The following NFAM1 variants were observed in gnomAD, a reference collection of about 807,000 sequenced individuals.
The protein encoded by NFAM1 is NFAT activation molecule 1.
A neutral mutation model predicts 29.0 loss-of-function variants in NFAM1; 17 were observed. The ratio of observed to expected loss-of-function variants is 0.59; its 90% confidence interval spans 0.40 to 0.88. The LOEUF (loss-of-function observed/expected upper bound fraction) is 0.88. NFAM1 is among the 40% of genes least tolerant of loss of function. The probability of loss-of-function intolerance (pLI) is 0.00; values close to 1 mark genes in which losing one functional copy is unlikely to be tolerated. For synonymous variants in NFAM1, 175 were observed against 147.2 expected (o/e 1.19, Z -1.36); for missense variants, 324 against 344.6 (o/e 0.94, Z 0.47).
intron 4 of NFAM1, among the ~76,000 whole-genome samples, chr22:42,393,804 G>A (rs1377678435): frequency 6.6e-6 from 1 of 151,728 alleles, no homozygotes; most frequent in Admixed American, 6.6e-5. Flanking sequence ...CTAATTATAT[G>A]ATGGCTATGT....
intron 3 of NFAM1, among the ~76,000 whole-genome samples, chr22:42,406,746 A>C (rs571609737): frequency 6.6e-6 from 1 of 152,238 alleles, no homozygotes; most frequent in East Asian, 1.9e-4. Flanking sequence ...CAGGAATGCC[A>C]ATTTAATGAA....
intron 4 of NFAM1, among the ~76,000 whole-genome samples, chr22:42,396,054 C>T (rs561162343): frequency 9.9e-5 from 15 of 152,246 alleles, no homozygotes; most frequent in African/African-American, 2.6e-4. Flanking sequence ...ATACCATCAT[C>T]GTTGTGACTG....
chr22:42,409,288 C>A lies in NFAM1; in HGVS notation c.564+147G>T, dbSNP rs1444809718. 5.5e-5 allele frequency: 25 copies of A among 454,750 alleles called. No homozygotes were observed. The allele number at this position is 454,750 out of a possible 1,614,324, so 28.2% of individuals were successfully genotyped here. On this transcript the variant is annotated intron_variant, in intron 3 of 5. Transcript: ENST00000329021. This position sits in a 1 kb window ranked among gnomAD's most constrained non-coding sequence, Gnocchi z 4.9. Reference sequence around the variant, plus strand: ...AGTGGCACAGGAGGGATGCCCCCAGCCCTGGTGCAAGGGGCCACGAGGGCC... The same window carrying A: ...AGTGGCACAGGAGGGATGCCCCCAGACCTGGTGCAAGGGGCCACGAGGGCC...
In NFAM1 at chr22:42,409,753, AAGGACAGGG is replaced by A. The variant is rs1200860744; in HGVS notation, c.452-215_452-207del. Among the ~76,000 whole-genome samples, 1 of 152,074 alleles carries A rather than the reference AAGGACAGGG, an allele frequency of 6.6e-6. No individual in the cohort carries two copies. The highest frequency in any genetic ancestry group is 6.5e-5 in the Admixed American group (1 of 15,282). ...CATGCTCACTGCCTTGCTTCTCTGT[AAGGACAGGG>A]GCCATTTGCTCTTCCGGTGCCCCTG... On this transcript the variant is annotated intron_variant, in intron 2 of 5. Coordinates refer to ENST00000329021, the MANE Select transcript of NFAM1 (RefSeq NM_145912.8). The surrounding 1 kb of genome is among the most constrained non-coding windows in gnomAD (Gnocchi z 4.9).
At chr22:42,417,570 G>A (rs555835665) in intron 1 of NFAM1, among the ~76,000 whole-genome samples, 16 of 152,282 alleles carry the variant, frequency 1.1e-4, no homozygotes, top group Non-Finnish European at 8.8e-5. Flanking sequence ...AGCGGGGCCT[G>A]GAGGTGGCTG....
At chr22:42,428,537 G>C (rs1173993213) in intron 1 of NFAM1, among the ~76,000 whole-genome samples, 2 of 152,068 alleles carry the variant, frequency 1.3e-5, no homozygotes, top group Non-Finnish European at 2.9e-5. Flanking sequence ...TGCCTCCCAG[G>C]TTCAAGCAAT....
intron 4 of NFAM1, among the ~76,000 whole-genome samples, chr22:42,391,618 G>A (rs1335458072): frequency 6.6e-6 from 1 of 152,090 alleles, no homozygotes; most frequent in Non-Finnish European, 1.5e-5. Context: ...GCGATGAGGA[G>A]ACGTGGGTAA....
intron 3 of NFAM1, among the ~76,000 whole-genome samples, chr22:42,400,303 G>A (rs1188271287): frequency 6.6e-6 from 1 of 152,192 alleles, no homozygotes; most frequent in Non-Finnish European, 1.5e-5. Context: ...GCCAGAGGAG[G>A]TGGGCATGGA....
the NFAM1 span, among the ~76,000 whole-genome samples, chr22:42,437,709 C>T: frequency 6.6e-6 from 1 of 152,184 alleles, no homozygotes; most frequent in Non-Finnish European, 1.5e-5. Context: ...TCTCCGTGAC[C>T]CTTCTTCCCC....
chr22:42,416,324 G>A (rs1930258680), intron 1 of NFAM1, among the ~76,000 whole-genome samples: 2 of 152,164 alleles, frequency 1.3e-5, no homozygotes, highest in Non-Finnish European at 2.9e-5. Context: ...CCAAAAAGCA[G>A]AGGATCTTAA....
At chr22:42,411,019 C>CTTTTTTTTTTTTT (rs138369373) in intron 2 of NFAM1, among the ~76,000 whole-genome samples, 2 of 121,776 alleles carry the variant, frequency 1.6e-5, no homozygotes, top group African/African-American at 6.7e-5. Context: ...CTTTTCTTTT[C>CTTTTTTTTTTTTT]TTTTTTTTTT....
chr22:42,426,939 T>G (rs1930642865), intron 1 of NFAM1, among the ~76,000 whole-genome samples: 1 of 152,134 alleles, frequency 6.6e-6, no homozygotes, highest in Non-Finnish European at 1.5e-5. Flanking sequence ...GTACTGGATG[T>G]ACCTTCCTAT....
intron 1 of NFAM1, among the ~76,000 whole-genome samples, chr22:42,425,730 C>T (rs772261521): frequency 2.6e-5 from 4 of 152,210 alleles, no homozygotes; most frequent in Non-Finnish European, 5.9e-5. Context: ...CACGCCCAGC[C>T]TTCCTGAGCC....
intron 1 of NFAM1, among the ~76,000 whole-genome samples, chr22:42,428,898 G>A (rs969372795): frequency 6.6e-6 from 1 of 152,202 alleles, no homozygotes; most frequent in Non-Finnish European, 1.5e-5. Context: ...TCCTTGGGGA[G>A]GACTGAGGCC....
rs190081574 is a variant in NFAM1 at position 42,402,493 on chromosome 22, T to A, written c.565-4537A>T. ...AGGGCTCGGAGGAAGGGGCCCGGGA[T>A]GTGCCAGAATTTAGAGGTCACCAAG... On this transcript the variant is annotated intron_variant, in intron 3 of 5. Transcript: ENST00000329021. Among the ~76,000 whole-genome samples, 6 of 152,248 alleles carry A rather than the reference T, an allele frequency of 3.9e-5. No individual in the cohort carries two copies. In the East Asian group the frequency reaches 1.2e-3, roughly 29 times the overall value.
At chr22:42,390,532 G>A (rs1474045990) in intron 4 of NFAM1, among the ~76,000 whole-genome samples, 2 of 152,050 alleles carry the variant, frequency 1.3e-5, no homozygotes, top group Non-Finnish European at 2.9e-5. Context: ...GAATGAGGGA[G>A]CGGGCTGGGT....
intron 1 of NFAM1, among the ~76,000 whole-genome samples, chr22:42,426,730 C>A (rs1189434913): frequency 6.6e-6 from 1 of 152,152 alleles, no homozygotes; most frequent in African/African-American, 2.4e-5. Context: ...TCTCAGGGTG[C>A]AGAGGAATAG....
chr22:42,431,931 GC>G (rs1429810140), intron 1 of NFAM1, among the ~76,000 whole-genome samples: 1 of 152,114 alleles, frequency 6.6e-6, no homozygotes. Context: ...CCCGCCCCTG[GC>G]CCCAGCCACA....
At chr22:42,390,906 A>G (rs1389640366) in intron 4 of NFAM1, among the ~76,000 whole-genome samples, 1 of 151,648 alleles carries the variant, frequency 6.6e-6, no homozygotes, top group Non-Finnish European at 1.5e-5. Context: ...ACAGAGGCCC[A>G]GGGCGCTGAC....
Sources: allele counts gnomAD v4.1 joint callset (sites outside exome capture counted in the v4.1 genomes callset), GRCh38; gene constraint gnomAD v4.1.1; non-coding constraint Gnocchi (gnomAD v3.1); transcripts MANE v1.5; gene names NCBI Gene and HGNC (gene_info 2026-07-23, HGNC 2026-07-21).